Variants in PCLO observed in about 807,000 individuals in gnomAD.
PCLO encodes the protein protein piccolo.
PCLO carries 82 observed loss-of-function variants against 427.5 expected under a neutral mutation model. The ratio of observed to expected loss-of-function variants is 0.19; its 90% CI spans 0.16 to 0.23. PCLO has a LOEUF of 0.23. Ranked by LOEUF, PCLO falls within the 10% of genes least tolerant of loss-of-function variation. The pLI, the probability that PCLO is intolerant of heterozygous loss-of-function variation, is 1.00. For missense variants in PCLO, 6,239 were observed against 6,115.9 expected (o/e 1.02, Z -0.67); for synonymous variants, 2,357 against 2,155.4 (o/e 1.09, Z -2.59).
At chr7:83,126,459 T>C (rs918679605) in intron 3 of PCLO, among the ~76,000 whole-genome samples, 2 of 152,100 alleles carry the variant, frequency 1.3e-5, no homozygotes, top group Non-Finnish European at 2.9e-5. Context: ...TATTATATAT[T>C]GTATGCCTAT....
Position 83,135,507 on chromosome 7 carries a change from C to T in PCLO, c.2043G>A (p.Gln681=), listed in dbSNP as rs2116619815. Residue 681 remains glutamine, a synonymous_variant, in exon 3 of 25, where the codon CAG becomes CAA. Coordinates refer to ENST00000333891, the MANE Select transcript of PCLO (RefSeq NM_033026.6). ...GTGCAGCATCCTTCTTTGGGGAAGTCTGCTGTGGCTGTGGGGATGATTTGC... is the reference window on the plus strand; with the variant it reads ...GTGCAGCATCCTTCTTTGGGGAAGTTTGCTGTGGCTGTGGGGATGATTTGC... The part of the protein sequence containing the change: ...AVSKSSPQPQ[Q]TSPKKDAAPK... 1.9e-6 allele frequency: 3 copies of T among 1,613,672 alleles called. No homozygotes were observed. The highest frequency in any genetic ancestry group is 2.5e-6 in the Non-Finnish European group (3 of 1,179,860).
intron 10 of PCLO, among the ~76,000 whole-genome samples, chr7:82,863,100 ATC>A: frequency 6.6e-6 from 1 of 152,162 alleles, no homozygotes; most frequent in South Asian, 2.1e-4. Flanking sequence ...GTATGAAAAC[ATC>A]TCATGTACCT....
chr7:83,152,445 T>C (rs568403288), intron 2 of PCLO, among the ~76,000 whole-genome samples: 4 of 152,224 alleles, frequency 2.6e-5, no homozygotes, highest in Non-Finnish European at 4.4e-5. Context: ...ATCAAATGTG[T>C]ATCATATTAA....
intron 3 of PCLO, among the ~76,000 whole-genome samples, chr7:83,106,794 G>A (rs1168245574): frequency 6.6e-6 from 1 of 151,538 alleles, no homozygotes; most frequent in Non-Finnish European, 1.5e-5. Flanking sequence ...CAAATCCTTG[G>A]GCATATTTAT....
chr7:83,112,078 A>G (rs1216218228), intron 3 of PCLO, among the ~76,000 whole-genome samples: 1 of 151,990 alleles, frequency 6.6e-6, no homozygotes, highest in South Asian at 2.1e-4. Flanking sequence ...TGTTTTTGAG[A>G]CAGAGTCTCG....
At position 83,004,009 on chromosome 7, in the gene PCLO, A is replaced by G. The variant is rs199684114; in HGVS notation, c.3301-37522T>C. Among the ~76,000 whole-genome samples, 188 of 151,736 alleles carry G rather than the reference A, an allele frequency of 1.2e-3. 1 individual carries two copies. The highest frequency in any genetic ancestry group is 4.5e-3 in the African/African-American group (185 of 41,458). On this transcript the variant is annotated intron_variant, in intron 3 of 24. Transcript: ENST00000333891. ...TTTGTTGGGAAATTGTTTATTGCTG[A>G]TTCAATCTTCTTTCCTCTTATTTGT...
intron 3 of PCLO, among the ~76,000 whole-genome samples, chr7:83,000,955 G>C (rs546474906): frequency 1.3e-5 from 2 of 151,738 alleles, no homozygotes; most frequent in Non-Finnish European, 2.9e-5. Flanking sequence ...AGCATAATGA[G>C]AAAGAAATTA....
chr7:83,081,848 A>C (rs1790108798), intron 3 of PCLO, among the ~76,000 whole-genome samples: 1 of 151,832 alleles, frequency 6.6e-6, no homozygotes, highest in Non-Finnish European at 1.5e-5. Flanking sequence ...TAAGAAAAAG[A>C]AGTTATTTTT....
chr7:83,158,097 C>A (rs147273982), intron 1 of PCLO, among the ~76,000 whole-genome samples: 1 of 151,864 alleles, frequency 6.6e-6, no homozygotes, highest in South Asian at 2.1e-4. Flanking sequence ...TAAATGGCAA[C>A]GTATGCATAA....
At chr7:83,009,809 A>G (rs565439351) in intron 3 of PCLO, among the ~76,000 whole-genome samples, 2 of 152,146 alleles carry the variant, frequency 1.3e-5, no homozygotes, top group East Asian at 1.9e-4. Context: ...CAGATTGCCT[A>G]TGCATGATGT....
At chr7:82,940,910 T>C (rs993311229) in intron 6 of PCLO, among the ~76,000 whole-genome samples, 7 of 151,442 alleles carry the variant, frequency 4.6e-5, no homozygotes, top group Admixed American at 3.3e-4. Flanking sequence ...CTACAGGTGC[T>C]TGCCACCACG....
chr7:82,879,509 C>T (rs2116044310), intron 9 of PCLO, 47 bp from the exon 10 acceptor site: 3 of 1,395,060 alleles, frequency 2.2e-6, no homozygotes, highest in East Asian at 2.5e-5. Flanking sequence ...TAAGAAGGGA[C>T]AATAGTTATC....
chr7:82,874,824 A>G (rs1238700499), intron 10 of PCLO, among the ~76,000 whole-genome samples: 2 of 152,200 alleles, frequency 1.3e-5, no homozygotes, highest in Admixed American at 1.3e-4. Flanking sequence ...AACTAGTTCA[A>G]CAAGAAATAC....
intron 24 of PCLO, among the ~76,000 whole-genome samples, chr7:82,758,961 A>C (rs2129467470): frequency 6.6e-6 from 1 of 152,008 alleles, no homozygotes; most frequent in Admixed American, 6.6e-5. Context: ...ACACATTCTG[A>C]AGAATGTGAG....
chr7:82,902,914 T>C (rs1794084188), intron 8 of PCLO, among the ~76,000 whole-genome samples, 173 bp from the exon 9 acceptor site: 2 of 152,062 alleles, frequency 1.3e-5, no homozygotes, highest in South Asian at 4.1e-4. Flanking sequence ...ATAATGATAT[T>C]ACTGGTTCTG....
chr7:82,862,662 T>A (rs1792990014), intron 10 of PCLO, among the ~76,000 whole-genome samples: 1 of 150,884 alleles, frequency 6.6e-6, no homozygotes, highest in Non-Finnish European at 1.5e-5. Flanking sequence ...AATGGGGTAC[T>A]ATTCAGCCAT....
At position 82,846,690 on chromosome 7, in the gene PCLO, C is replaced by T. The variant is rs182205321; in HGVS notation, c.13764-56G>A. Reference sequence around the variant, plus strand: ...TATTGAGGAAATCTGAGACAAAGAGCACTTTTTTCCAACTACCCTTAATTT... The same window carrying T: ...TATTGAGGAAATCTGAGACAAAGAGTACTTTTTTCCAACTACCCTTAATTT... On this transcript the variant is annotated intron_variant, in intron 11 of 24. Coordinates refer to ENST00000333891, the MANE Select transcript of PCLO (RefSeq NM_033026.6). The T allele has an allele frequency of 1.1e-5, 13 of 1,175,514 alleles. No homozygotes were observed. In the East Asian group the frequency reaches 3.1e-4, roughly 28 times the overall value. The allele number at this position is 1,175,514 out of a possible 1,614,324, so 72.8% of individuals were successfully genotyped here. A position where few individuals can be genotyped will look rare whatever the true frequency, so the allele number is the denominator to read the frequency against.
intron 6 of PCLO, among the ~76,000 whole-genome samples, chr7:82,939,930 A>G (rs984531766): frequency 6.6e-6 from 1 of 150,404 alleles, no homozygotes; most frequent in African/African-American, 2.4e-5. Flanking sequence ...ACTTTTGGTT[A>G]AAAGATGGTA....
At chr7:82,989,693 T>C (rs1293751608) in intron 3 of PCLO, among the ~76,000 whole-genome samples, 2 of 152,198 alleles carry the variant, frequency 1.3e-5, no homozygotes, top group African/African-American at 2.4e-5. Context: ...TTACCAGATA[T>C]ATAATCTCTG....
Sources: gnomAD v4.1 joint callset for allele counts (sites outside exome capture counted in the v4.1 genomes callset) on GRCh38, gnomAD v4.1.1 for gene constraint, MANE v1.5 for transcripts, NCBI Gene and HGNC (gene_info 2026-07-23, HGNC 2026-07-21) for gene names.